PPFIBP1: variants seen among roughly 807,000 people sequenced by gnomAD.
PPFIBP1 encodes the protein liprin-beta-1.
Under a neutral mutation model 137.8 loss-of-function variants are expected in PPFIBP1, and 112 were observed. That is an observed-to-expected ratio of 0.81 (90% confidence interval 0.70 to 0.95). The LOEUF is 0.95. Ranked by LOEUF, PPFIBP1 falls within the 40% of genes least tolerant of loss-of-function variation. The pLI, the probability that PPFIBP1 is intolerant of heterozygous loss-of-function variation, is 0.00. For missense variants in PPFIBP1, 1,083 were observed against 1,196.6 expected (o/e 0.91, Z 1.40); for synonymous variants, 378 against 417.3 (o/e 0.91, Z 1.15).
At chr12:27,624,386 C>T (rs1007227653) in intron 2 of PPFIBP1, among the ~76,000 whole-genome samples, 2 of 152,212 alleles carry the variant, frequency 1.3e-5, no homozygotes, top group African/African-American at 4.8e-5. Flanking sequence ...CACAACTTAT[C>T]ACAAGATCTT....
At chr12:27,574,614 G>A (rs2050409970) in intron 1 of PPFIBP1, among the ~76,000 whole-genome samples, 2 of 152,128 alleles carry the variant, frequency 1.3e-5, no homozygotes, top group South Asian at 2.1e-4. Flanking sequence ...CCTAAATTAT[G>A]CAGAGGTATA....
intron 2 of PPFIBP1, among the ~76,000 whole-genome samples, chr12:27,588,777 T>C (rs2052101823): frequency 6.6e-6 from 1 of 152,222 alleles, no homozygotes; most frequent in South Asian, 2.1e-4. Context: ...ACCATACCAT[T>C]TGAAAATGTC....
At chr12:27,685,114 AT>A (rs1414072513) in intron 24 of PPFIBP1, among the ~76,000 whole-genome samples, 1 of 151,904 alleles carries the variant, frequency 6.6e-6, no homozygotes, top group Admixed American at 6.6e-5. Context: ...GCTGCTTGTG[AT>A]TTTAAGCTTG....
intron 1 of PPFIBP1, among the ~76,000 whole-genome samples, chr12:27,539,135 T>C (rs1945378127): frequency 6.6e-6 from 1 of 152,192 alleles, no homozygotes; most frequent in South Asian, 2.1e-4. Flanking sequence ...TGCAAAGAGT[T>C]TGGTGTAGTT....
At chr12:27,639,085 A>G (rs2057914402) in intron 4 of PPFIBP1, among the ~76,000 whole-genome samples, 1 of 152,238 alleles carries the variant, frequency 6.6e-6, no homozygotes, top group East Asian at 1.9e-4. Flanking sequence ...ACTGAATGTG[A>G]TAAAATACCA....
chr12:27,629,157 C>T (rs1565898742), intron 2 of PPFIBP1, among the ~76,000 whole-genome samples: 1 of 152,138 alleles, frequency 6.6e-6, no homozygotes, highest in Non-Finnish European at 1.5e-5. Flanking sequence ...ATTATTAATT[C>T]ATCTGTTTCA....
intron 2 of PPFIBP1, chr12:27,608,609 C>T: frequency 5.2e-6 from 2 of 385,752 alleles, no homozygotes; most frequent in Non-Finnish European, 4.9e-6. Context: ...TTAGGATTCC[C>T]TCCTTCTTAA....
At chr12:27,620,459 T>C (rs1182180788) in intron 2 of PPFIBP1, among the ~76,000 whole-genome samples, 1 of 152,248 alleles carries the variant, frequency 6.6e-6, no homozygotes, top group Non-Finnish European at 1.5e-5. Flanking sequence ...TTCTCAGATA[T>C]TTCTGTGACT....
At chr12:27,610,997 A>G (rs1389769287) in intron 2 of PPFIBP1, among the ~76,000 whole-genome samples, 11 of 152,144 alleles carry the variant, frequency 7.2e-5, no homozygotes, top group Non-Finnish European at 1.5e-4. Context: ...GTAATTTCAA[A>G]CTTTAATGGA....
chr12:27,674,678 C>T (rs1294240962), intron 17 of PPFIBP1, among the ~76,000 whole-genome samples: 3 of 152,142 alleles, frequency 2.0e-5, no homozygotes, highest in African/African-American at 7.2e-5. Context: ...ATGACCATAA[C>T]TGAGCTTCCT....
intron 2 of PPFIBP1, among the ~76,000 whole-genome samples, chr12:27,589,331 G>T (rs754673288): frequency 1.3e-5 from 2 of 152,120 alleles, no homozygotes; most frequent in Non-Finnish European, 2.9e-5. Flanking sequence ...ACTTGGATCC[G>T]TGCATCCTCT....
intron 25 of PPFIBP1, among the ~76,000 whole-genome samples, chr12:27,688,001 G>C (rs867825333): frequency 6.6e-6 from 1 of 151,948 alleles, no homozygotes; most frequent in Non-Finnish European, 1.5e-5. Flanking sequence ...AGGAGGATCC[G>C]TCTGAGCCTG....
intron 2 of PPFIBP1, among the ~76,000 whole-genome samples, chr12:27,629,314 T>C (rs2057094709): frequency 1.3e-5 from 2 of 152,202 alleles, no homozygotes; most frequent in African/African-American, 4.8e-5. Flanking sequence ...TAAAGACCAT[T>C]GCATAGTTTG....
intron 21 of PPFIBP1, among the ~76,000 whole-genome samples, chr12:27,681,044 G>T (rs1179572516): frequency 6.6e-6 from 1 of 152,022 alleles, no homozygotes; most frequent in Non-Finnish European, 1.5e-5. Context: ...CCCGGAACAA[G>T]AACACTATTT....
intron 1 of PPFIBP1, among the ~76,000 whole-genome samples, chr12:27,556,126 T>C (rs2048685147): frequency 6.6e-6 from 1 of 152,220 alleles, no homozygotes; most frequent in African/African-American, 2.4e-5. Flanking sequence ...GTGGTTGATA[T>C]GCTAGTTTCA....
chr12:27,597,782 A>G (rs1440276212), intron 2 of PPFIBP1, among the ~76,000 whole-genome samples: 1 of 152,120 alleles, frequency 6.6e-6, no homozygotes, highest in African/African-American at 2.4e-5. Context: ...GAAAACTTTA[A>G]ATTTTATTTA....
intron 4 of PPFIBP1, among the ~76,000 whole-genome samples, chr12:27,644,769 G>A (rs1441317233): frequency 6.6e-6 from 1 of 152,128 alleles, no homozygotes; most frequent in Non-Finnish European, 1.5e-5. Flanking sequence ...CAAAGCAGCT[G>A]ATTTTAAAAT....
intron 2 of PPFIBP1, among the ~76,000 whole-genome samples, chr12:27,588,480 T>C (rs1451585235): frequency 6.6e-6 from 1 of 152,188 alleles, no homozygotes; most frequent in Non-Finnish European, 1.5e-5. Context: ...AAAAGACGCA[T>C]GACAGAAGGA....
intron 1 of PPFIBP1, among the ~76,000 whole-genome samples, chr12:27,570,836 C>T (rs965837091): frequency 7.2e-5 from 11 of 152,126 alleles, no homozygotes; most frequent in Admixed American, 3.3e-4. Context: ...TGGCGTGAAC[C>T]CGGGAGGCAG....
Sources: gnomAD v4.1 joint callset for allele counts (sites outside exome capture counted in the v4.1 genomes callset) on GRCh38, gnomAD v4.1.1 for gene constraint, MANE v1.5 for transcripts, NCBI Gene and HGNC (gene_info 2026-07-23, HGNC 2026-07-21) for gene names.